Variants in GRID2 observed in about 807,000 individuals in gnomAD.
GRID2 encodes glutamate receptor ionotropic, delta-2.
A neutral mutation model predicts 114.8 loss-of-function variants in GRID2; 33 were observed. The observed-to-expected ratio is 0.29, with a 90% CI of 0.22 to 0.38. The LOEUF is 0.38. Among genes scored for constraint, GRID2 ranks in the 10% least tolerant of loss-of-function variants. The pLI is 1.00. For missense variants in GRID2, 1,184 were observed against 1,257.7 expected, an observed-to-expected ratio of 0.94 and a Z score of 0.89; for synonymous variants, 505 against 449.9, an observed-to-expected ratio of 1.12 and a Z score of -1.55.
chr4:93,010,518 A>G (rs1722023527), intron 2 of GRID2, among the ~76,000 whole-genome samples: 1 of 151,666 alleles, frequency 6.6e-6, no homozygotes, highest in African/African-American at 2.4e-5. Context: ...CAGGCATCCC[A>G]TCCTCCCAGC....
In GRID2 at chr4:93,386,513, C is replaced by T. The variant is rs147403558; in HGVS notation, c.1246-9094C>T. ...CCAGATGTGGGAGTATTCAGTAAGACAACAAGCCAAAATGAAAGTAACGAT... is the reference window on the plus strand; with the variant it reads ...CCAGATGTGGGAGTATTCAGTAAGATAACAAGCCAAAATGAAAGTAACGAT... On this transcript the variant is annotated intron_variant, in intron 8 of 15. Coordinates refer to ENST00000282020, the MANE Select transcript of GRID2 (RefSeq NM_001510.4). Among the ~76,000 whole-genome samples the T allele has an allele frequency of 4.5e-4, 68 of 152,214 alleles. No individual in the cohort carries two copies. In the East Asian group the frequency reaches 0.011, roughly 24 times the overall value.
chr4:92,508,417 G>A, intron 1 of GRID2, among the ~76,000 whole-genome samples: 1 of 151,908 alleles, frequency 6.6e-6, no homozygotes, highest in East Asian at 1.9e-4. Context: ...GAAGAAATAA[G>A]TACTATGAAG....
intron 8 of GRID2, among the ~76,000 whole-genome samples, chr4:93,242,118 T>C (rs1157336256): frequency 6.6e-6 from 1 of 151,932 alleles, no homozygotes; most frequent in East Asian, 1.9e-4. Flanking sequence ...TTATGTTTGA[T>C]GTTAGGAAGT....
At chr4:92,830,533 CTATTAT>C (rs569416982) in intron 2 of GRID2, among the ~76,000 whole-genome samples, 1 of 151,990 alleles carries the variant, frequency 6.6e-6, no homozygotes, top group African/African-American at 2.4e-5. Context: ...TTTAAGCATA[CTATTAT>C]TATTATTTTA....
intron 2 of GRID2, among the ~76,000 whole-genome samples, chr4:93,028,504 A>T (rs933376929): frequency 1.3e-5 from 2 of 152,132 alleles, no homozygotes; most frequent in African/African-American, 4.8e-5. Context: ...GAAATAATAA[A>T]TCATGCGTGA....
Position 92,993,796 on chromosome 4 carries a change from T to C in GRID2, c.245-91199T>C, listed in dbSNP as rs557795509. On this transcript the variant is annotated intron_variant, in intron 2 of 15. Coordinates refer to ENST00000282020, the MANE Select transcript of GRID2 (RefSeq NM_001510.4). ...CTATTATGAGTCAGGTAGACATTTG[T>C]TGGAGGGTCCTAGATATAAAGCAGT... Among the ~76,000 whole-genome samples the C allele has an allele frequency of 6.9e-4, 105 of 152,334 alleles. 1 individual carries two copies. Among genetic ancestry groups the C allele is most frequent in the African/African-American group, 2.4e-3 (98 of 41,586 alleles).
At chr4:92,578,041 T>TTTCTTCTTCTTCTTC (rs201059955) in intron 1 of GRID2, among the ~76,000 whole-genome samples, 170 of 125,818 alleles carry the variant, frequency 1.4e-3, no homozygotes, top group African/African-American at 1.5e-3. Context: ...TGAAACTTAG[T>TTTCTTCTTCTTCTTC]TTCTTCTTCT....
chr4:92,333,980 C>T (rs757297854), intron 1 of GRID2, among the ~76,000 whole-genome samples: 1 of 152,168 alleles, frequency 6.6e-6, no homozygotes, highest in Non-Finnish European at 1.5e-5. Context: ...ATTCTCCCAT[C>T]TCAGTCTCCT....
intron 4 of GRID2, among the ~76,000 whole-genome samples, chr4:93,174,231 T>C (rs1348176377): frequency 2.0e-5 from 3 of 152,174 alleles, no homozygotes; most frequent in Non-Finnish European, 4.4e-5. Context: ...CAATTTCATC[T>C]AAAGTCTCCT....
chr4:93,201,251 C>A (rs1490748630), intron 4 of GRID2, among the ~76,000 whole-genome samples: 2 of 152,178 alleles, frequency 1.3e-5, no homozygotes, highest in Non-Finnish European at 2.9e-5. Context: ...ATCTGTTTAA[C>A]TTTGCTTAGC....
chr4:93,354,863 A>G (rs1407178153), intron 8 of GRID2, among the ~76,000 whole-genome samples: 2 of 147,880 alleles, frequency 1.4e-5, no homozygotes, highest in Non-Finnish European at 3.0e-5. Flanking sequence ...AAGGCCTGTA[A>G]AGTGACCCTA....
intron 8 of GRID2, among the ~76,000 whole-genome samples, chr4:93,267,448 G>A (rs1360129404): frequency 6.6e-6 from 1 of 152,168 alleles, no homozygotes; most frequent in Non-Finnish European, 1.5e-5. Flanking sequence ...CCAGCATGGA[G>A]AAAGAGGTGC....
chr4:93,124,906 G>A (rs1734132515), intron 4 of GRID2, among the ~76,000 whole-genome samples: 2 of 152,086 alleles, frequency 1.3e-5, no homozygotes, highest in South Asian at 2.1e-4. Flanking sequence ...CTATCCAATA[G>A]TAAAATTTCA....
At chr4:93,027,495 T>C (rs762592193) in intron 2 of GRID2, among the ~76,000 whole-genome samples, 1 of 152,112 alleles carries the variant, frequency 6.6e-6, no homozygotes, top group Non-Finnish European at 1.5e-5. Flanking sequence ...TGCTGGATTT[T>C]ACAGAGTGTA....
At chr4:92,949,202 GCTT>G (rs1321838413) in intron 2 of GRID2, among the ~76,000 whole-genome samples, 1 of 151,624 alleles carries the variant, frequency 6.6e-6, no homozygotes, top group Non-Finnish European at 1.5e-5. Context: ...TTAACGAGTA[GCTT>G]CTAAAATTTT....
chr4:93,634,644 G>A (rs528162796), intron 14 of GRID2, among the ~76,000 whole-genome samples: 1 of 152,198 alleles, frequency 6.6e-6, no homozygotes, highest in South Asian at 2.1e-4. Context: ...AGCTTTGTGG[G>A]GCTCTGAGAA....
chr4:92,532,144 T>C (rs1725388436), intron 1 of GRID2, among the ~76,000 whole-genome samples: 1 of 152,162 alleles, frequency 6.6e-6, no homozygotes, highest in South Asian at 2.1e-4. Flanking sequence ...GAGTGGGATA[T>C]GTTCATGTAG....
chr4:93,554,957 G>T (rs953005485), intron 13 of GRID2, among the ~76,000 whole-genome samples: 6 of 152,126 alleles, frequency 3.9e-5, no homozygotes, highest in African/African-American at 1.4e-4. Context: ...CGTACAGAGT[G>T]CAAGCTGAAG....
At chr4:92,477,090 TG>T (rs2149101031) in intron 1 of GRID2, among the ~76,000 whole-genome samples, 1 of 135,582 alleles carries the variant, frequency 7.4e-6, no homozygotes, top group East Asian at 2.1e-4. Context: ...TGTGTGTGTG[TG>T]TGTGTGTTTG....
Sources: allele counts gnomAD v4.1 joint callset (sites outside exome capture counted in the v4.1 genomes callset), GRCh38; gene constraint gnomAD v4.1.1; transcripts MANE v1.5; gene names NCBI Gene and HGNC (gene_info 2026-07-23, HGNC 2026-07-21).